Variants in WDSUB1 observed in about 807,000 individuals in gnomAD.
The protein encoded by WDSUB1 is WD repeat, sterile alpha motif and U-box domain containing 1.
WDSUB1 carries 49 observed loss-of-function variants against 53.9 expected under a neutral mutation model. The observed-to-expected ratio is 0.91, with a 90% CI of 0.72 to 1.15. The LOEUF (loss-of-function observed/expected upper bound fraction) is 1.15. WDSUB1 is among the 50% of genes most tolerant of loss of function. The pLI is 0.00. For synonymous variants in WDSUB1, 194 were observed against 200.6 expected (o/e 0.97, Z 0.28); for missense variants, 514 against 562.0 (o/e 0.91, Z 0.86).
At chr2:159,247,525 C>T (rs4665048) in intron 10 of WDSUB1, among the ~76,000 whole-genome samples, 53,427 of 151,902 alleles carry the variant, frequency 0.35, 12,372 homozygotes, top group Non-Finnish European at 0.54. Flanking sequence ...AGATATATTA[C>T]TGGCAGCACT....
intron 10 of WDSUB1, among the ~76,000 whole-genome samples, chr2:159,239,068 G>A (rs1037753469): frequency 2.6e-5 from 4 of 152,008 alleles, no homozygotes; most frequent in East Asian, 1.9e-4. Flanking sequence ...GTGACATGAC[G>A]GTAGCTCACT....
At chr2:159,282,630 T>C in intron 2 of WDSUB1, 42 bp downstream of exon 2, 1 of 1,567,876 alleles carries the variant, frequency 6.4e-7, no homozygotes, top group Non-Finnish European at 8.7e-7. Context: ...TAAGTACACC[T>C]AGTCAACAGG....
intron 10 of WDSUB1, among the ~76,000 whole-genome samples, chr2:159,239,613 A>G (rs559152153): frequency 5.3e-5 from 8 of 152,128 alleles, no homozygotes; most frequent in Admixed American, 2.6e-4. Context: ...GTGCCAAGGT[A>G]TATGTATTTT....
chr2:159,280,647 C>T (rs376672157), intron 2 of WDSUB1, among the ~76,000 whole-genome samples: 4 of 128,090 alleles, frequency 3.1e-5, no homozygotes, highest in East Asian at 4.4e-4. Flanking sequence ...GCCGAGATCC[C>T]GCCACTGCAC....
chr2:159,264,302 A>C (rs2061290476), intron 5 of WDSUB1, among the ~76,000 whole-genome samples: 1 of 152,196 alleles, frequency 6.6e-6, no homozygotes, highest in Admixed American at 6.5e-5. Context: ...TCAGTTACTA[A>C]ATGAACTTAC....
intron 9 of WDSUB1, among the ~76,000 whole-genome samples, chr2:159,251,109 T>C (rs537466548): frequency 9.9e-4 from 101 of 101,562 alleles, no homozygotes; most frequent in African/African-American, 2.6e-3. Flanking sequence ...CAAAAAAAAT[T>C]TTAAAAATTA....
At chr2:159,280,260 T>C (rs1282287549) in intron 2 of WDSUB1, among the ~76,000 whole-genome samples, 1 of 152,154 alleles carries the variant, frequency 6.6e-6, no homozygotes, top group Non-Finnish European at 1.5e-5. Context: ...CACATTAAAA[T>C]ATGTAAAACT....
intron 10 of WDSUB1, among the ~76,000 whole-genome samples, chr2:159,247,936 TATATATAA>T (rs1559532358): frequency 0.043 from 4,033 of 92,768 alleles, 295 homozygotes; most frequent in African/African-American, 0.24. Context: ...TAAATATATA[TATATATAA>T]AATTTGGATT....
At chr2:159,280,185 A>C (rs1046724000) in intron 2 of WDSUB1, among the ~76,000 whole-genome samples, 1 of 152,218 alleles carries the variant, frequency 6.6e-6, no homozygotes, top group Non-Finnish European at 1.5e-5. Context: ...TGGTATGTTC[A>C]AGCCTAAATT....
At chr2:159,269,181 T>G (rs1332000060) in intron 5 of WDSUB1, among the ~76,000 whole-genome samples, 1 of 148,488 alleles carries the variant, frequency 6.7e-6, no homozygotes, top group Non-Finnish European at 1.5e-5. Flanking sequence ...TTTTTTTTTT[T>G]TTTTTTTGAG....
intron 2 of WDSUB1, 118 bp downstream of exon 2, chr2:159,282,554 T>C (rs2061688765): frequency 7.4e-6 from 9 of 1,218,506 alleles, no homozygotes; most frequent in Middle Eastern, 2.7e-4. Flanking sequence ...CATCAAAATA[T>C]TTTTCTTTTT....
intron 6 of WDSUB1, 152 bp downstream of exon 6, chr2:159,259,658 T>TG: frequency 1.2e-6 from 1 of 825,990 alleles, no homozygotes; most frequent in Non-Finnish European, 1.8e-6. Flanking sequence ...ATATCTTACT[T>TG]GCGTAACTAT....
intron 6 of WDSUB1, among the ~76,000 whole-genome samples, chr2:159,259,453 C>T (rs1021442914): frequency 4.6e-5 from 7 of 152,206 alleles, no homozygotes; most frequent in African/African-American, 1.4e-4. Context: ...TCACTTTCAA[C>T]CATATTCACC....
intron 9 of WDSUB1, among the ~76,000 whole-genome samples, chr2:159,249,657 G>A (rs1008197941): frequency 2.6e-5 from 4 of 152,168 alleles, no homozygotes; most frequent in African/African-American, 9.7e-5. Flanking sequence ...CTACTATAAT[G>A]TCTTGCCTCT....
chr2:159,248,396 T>C lies in WDSUB1; in HGVS notation c.1249A>G (p.Met417Val). The stretch of plus-strand genomic sequence containing the variant: ...CCTGATGCGATGACCGGATCTTTCA[T>C]AAGTTCTCTAGTTATTGGACATATA... The part of the protein sequence containing the change: ...EFICPITREL[M>V]KDPVIASDGY... The change falls in exon 10 of 11, where the codon ATG (methionine) becomes GTG (valine). Residue 417 changes from methionine (M) to valine (V), a missense_variant. Physicochemically the swap from Met to Val is conservative, Grantham distance 21 (BLOSUM62 1). Coordinates refer to ENST00000359774, the MANE Select transcript of WDSUB1 (RefSeq NM_001128212.3). The C allele has an allele frequency of 6.2e-7, 1 of 1,612,326 alleles. No homozygotes were observed. The highest frequency in any genetic ancestry group is 8.5e-7 in the Non-Finnish European group (1 of 1,179,324).
At chr2:159,275,686 C>A in intron 3 of WDSUB1, 48 bp from the exon 4 acceptor site, 1 of 1,313,632 alleles carries the variant, frequency 7.6e-7, no homozygotes, top group East Asian at 2.5e-5. Context: ...AACACTGAAA[C>A]CCCCCCAAAA....
At chr2:159,271,861 A>T in intron 4 of WDSUB1, 66 bp from the exon 5 acceptor site, 1 of 1,258,196 alleles carries the variant, frequency 7.9e-7, no homozygotes, top group Non-Finnish European at 1.1e-6. Flanking sequence ...TTAAGTCAAC[A>T]CCATTTCACT....
chr2:159,274,365 C>T (rs2061498947), intron 4 of WDSUB1, among the ~76,000 whole-genome samples: 1 of 151,990 alleles, frequency 6.6e-6, no homozygotes, highest in Non-Finnish European at 1.5e-5. Context: ...TTAGCCAGGG[C>T]AAGACCTGAG....
At position 159,254,946 on chromosome 2, in the gene WDSUB1, T is replaced by C. The variant is rs2061028263; in HGVS notation, c.1132+1250A>G. Among the ~76,000 whole-genome samples, 2 of 152,122 alleles carry C rather than the reference T, an allele frequency of 1.3e-5. 1 individual carries two copies. Among genetic ancestry groups the C allele is most frequent in the South Asian group, 4.2e-4 (2 of 4,818 alleles). ...AGCAGTTTAAGACCAGCCTGGGCAATAGAGAGACCTCATCTCTACAAAAAT... is the reference window on the plus strand; with the variant it reads ...AGCAGTTTAAGACCAGCCTGGGCAACAGAGAGACCTCATCTCTACAAAAAT... On this transcript the variant is annotated intron_variant, in intron 9 of 10. Coordinates refer to ENST00000359774, the MANE Select transcript of WDSUB1 (RefSeq NM_001128212.3).
Sources: gnomAD v4.1 joint callset for allele counts (sites outside exome capture counted in the v4.1 genomes callset) on GRCh38, gnomAD v4.1.1 for gene constraint, MANE v1.5 for transcripts, NCBI Gene and HGNC (gene_info 2026-07-23, HGNC 2026-07-21) for gene names.